DLG5: variants seen among roughly 807,000 people sequenced by gnomAD.
The protein encoded by DLG5 is disks large homolog 5.
A neutral mutation model predicts 189.8 loss-of-function variants in DLG5; 48 were observed. The observed-to-expected ratio is 0.25, with a 90% CI of 0.20 to 0.32. The LOEUF (loss-of-function observed/expected upper bound fraction) is 0.32, where lower values mean the gene tolerates loss of function less well. DLG5 is among the 10% of genes least tolerant of loss of function. DLG5 has a pLI of 1.00. For synonymous variants in DLG5, 1,016 were observed against 1,054.1 expected, an observed-to-expected ratio of 0.96 and a Z score of 0.70; for missense variants, 2,160 against 2,544.7, an observed-to-expected ratio of 0.85 and a Z score of 3.25.
intron 21 of DLG5, 56 bp downstream of exon 21, chr10:77,812,159 G>A (rs1841808757): frequency 1.3e-6 from 2 of 1,597,598 alleles, no homozygotes; most frequent in East Asian, 4.5e-5. Context: ...GAGGAGGAGA[G>A]GGGGAAGAAG....
intron 9 of DLG5, among the ~76,000 whole-genome samples, chr10:77,833,158 C>A (rs1279755424): frequency 6.6e-6 from 1 of 152,066 alleles, no homozygotes; most frequent in African/African-American, 2.4e-5. Flanking sequence ...TTGGGCTCTG[C>A]CAATTTCTAT....
intron 1 of DLG5, among the ~76,000 whole-genome samples, chr10:77,879,907 G>A (rs1038696006): frequency 1.3e-5 from 2 of 150,982 alleles, no homozygotes; most frequent in Admixed American, 1.3e-4. Flanking sequence ...CAGGCAGATG[G>A]ATGTACAGGC....
intron 7 of DLG5, among the ~76,000 whole-genome samples, chr10:77,836,640 G>A (rs1843151234): frequency 1.3e-5 from 2 of 152,188 alleles, no homozygotes; most frequent in Admixed American, 1.3e-4. Context: ...GAAAACAAGA[G>A]AAGAGAATGA....
intron 13 of DLG5, among the ~76,000 whole-genome samples, chr10:77,828,521 G>T (rs2154575871): frequency 1.4e-5 from 2 of 147,798 alleles, no homozygotes; most frequent in Middle Eastern, 7.4e-3. Context: ...GTTAATAGAG[G>T]TTATCTACAG....
rs2559662 is a variant in DLG5 at position 77,916,294 on chromosome 10, A to G, written c.304+9923T>C. On this transcript the variant is annotated intron_variant, in intron 1 of 31. Coordinates refer to ENST00000372391, the MANE Select transcript of DLG5 (RefSeq NM_004747.4). ...AACCATATCTGAAGGAAGAAAAAAAATTTTTTTTTTTGTAAGACAGAGTTT... is the reference window on the plus strand; with the variant it reads ...AACCATATCTGAAGGAAGAAAAAAAGTTTTTTTTTTTGTAAGACAGAGTTT... Among the ~76,000 whole-genome samples, 3 of 149,478 alleles carry G rather than the reference A, an allele frequency of 2.0e-5. No individual in the cohort carries two copies. The East Asian group carries it at 6.5e-4, about 33-fold the overall frequency.
Position 77,792,193 on chromosome 10 carries a change from C to T in DLG5, c.*247G>A, listed in dbSNP as rs1011441825. On this transcript the variant is annotated 3_prime_UTR_variant, in exon 32 of 32. Transcript: ENST00000372391. The stretch of plus-strand genomic sequence containing the variant: ...GCTAAAGAAAGGTGGGTGCTGAACC[C>T]GTCTTTAGTGTTATCTGTTTTGTGT... 72 of 542,406 alleles carry T rather than the reference C, an allele frequency of 1.3e-4. No individual in the cohort carries two copies. In the East Asian group the frequency reaches 2.1e-3, roughly 16 times the overall value. 33.6% of individuals were successfully genotyped at this position (542,406 alleles called of 1,614,324 possible).
chr10:77,860,105 C>T (rs972173259), intron 2 of DLG5, among the ~76,000 whole-genome samples: 15 of 152,240 alleles, frequency 9.9e-5, no homozygotes, highest in Non-Finnish European at 2.2e-4. Flanking sequence ...AACAACCTCA[C>T]AAGTGTGTAC....
In DLG5 at chr10:77,856,745, G is replaced by T; in HGVS notation, c.521C>A (p.Thr174Lys). 1 of 1,613,268 alleles carries T rather than the reference G, an allele frequency of 6.2e-7. No homozygotes were observed. Among genetic ancestry groups the T allele is most frequent in the Non-Finnish European group, 8.5e-7 (1 of 1,179,852 alleles). Residue 174 changes from threonine (T) to lysine (K), a missense_variant, in exon 3 of 32, where the codon ACG (threonine) becomes AAG (lysine). By Grantham distance (78) the Thr-to-Lys change is moderately conservative. Around this residue, in one of 5 missense-constraint regions of DLG5, gnomAD observed 664 missense variants for 838.5 expected, o/e 0.79. Coordinates refer to ENST00000372391, the MANE Select transcript of DLG5 (RefSeq NM_004747.4). Reference protein sequence around the residue: ...RKRLAFATHGTAFDKRPYHRL... With the variant: ...RKRLAFATHGKAFDKRPYHRL... ...CAATTACTACCTCTTGTCAAAGGCC[G>T]TGCCATGCGTAGCAAAGGCCAGGCG...
chr10:77,862,759 G>C (rs1398584207), intron 2 of DLG5, among the ~76,000 whole-genome samples: 1 of 152,196 alleles, frequency 6.6e-6, no homozygotes, highest in Non-Finnish European at 1.5e-5. Flanking sequence ...TACAACTGCG[G>C]ACACACACAG....
the DLG5 span, among the ~76,000 whole-genome samples, chr10:77,935,557 GAA>G: frequency 6.6e-6 from 1 of 151,208 alleles, no homozygotes; most frequent in Non-Finnish European, 1.5e-5. Context: ...GCTCCCTGGA[GAA>G]ACAGATCCTG....
chr10:77,802,243 G>A (rs572434239), intron 27 of DLG5, among the ~76,000 whole-genome samples: 1 of 152,222 alleles, frequency 6.6e-6, no homozygotes, highest in Admixed American at 6.5e-5. Flanking sequence ...TGGGTACAGC[G>A]GCCACAGGAA....
Position 77,805,783 on chromosome 10 carries a change from C to G in DLG5, c.5046G>C (p.Ala1682=). 6.2e-7 allele frequency: 1 copy of G among 1,614,146 alleles called. No homozygotes were observed. The highest frequency in any genetic ancestry group is 8.5e-7 in the Non-Finnish European group (1 of 1,180,032). The change falls in exon 27 of 32, where the codon GCG becomes GCC. Residue 1682 remains alanine (A), a synonymous_variant. Transcript: ENST00000372391. ...DDNSATKTLS[A]AARRSFFRRK... ...TCCGAAAAAAGGACCGGCGTGCAGC[C>G]GCTGACAGCGTCTTTGTGGCGCTAT...
At chr10:77,857,287 C>T (rs1844281849) in intron 2 of DLG5, among the ~76,000 whole-genome samples, 1 of 152,234 alleles carries the variant, frequency 6.6e-6, no homozygotes, top group Non-Finnish European at 1.5e-5. Context: ...ACAGACCAAC[C>T]TGTGCCCTGA....
intron 1 of DLG5, among the ~76,000 whole-genome samples, chr10:77,888,683 G>A (rs948603212): frequency 2.0e-5 from 3 of 152,126 alleles, no homozygotes; most frequent in South Asian, 4.1e-4. Flanking sequence ...CACCAACACC[G>A]TGTGCCAAGC....
chr10:77,811,879 C>T, intron 22 of DLG5, 45 bp downstream of exon 22: 2 of 1,565,886 alleles, frequency 1.3e-6, no homozygotes, highest in Non-Finnish European at 1.7e-6. Flanking sequence ...GCTGCACCCA[C>T]CTCTCCACCC....
intron 1 of DLG5, among the ~76,000 whole-genome samples, chr10:77,908,964 C>T (rs1445037809): frequency 2.6e-5 from 4 of 152,090 alleles, no homozygotes; most frequent in Admixed American, 6.5e-5. Context: ...CACAATAGAG[C>T]AATTAAAAAG....
chr10:77,849,188 C>G (rs1421435778), intron 5 of DLG5, among the ~76,000 whole-genome samples: 1 of 152,200 alleles, frequency 6.6e-6, no homozygotes, highest in Non-Finnish European at 1.5e-5. Flanking sequence ...TGCAGAGGGC[C>G]GGGAAGCCCC....
intron 24 of DLG5, among the ~76,000 whole-genome samples, chr10:77,808,517 C>T (rs570666205): frequency 6.6e-6 from 1 of 152,298 alleles, no homozygotes; most frequent in East Asian, 1.9e-4. Context: ...ACTAATTCTC[C>T]CACCTTGGCC....
Position 77,853,416 on chromosome 10 carries a change from T to C in DLG5, c.802A>G (p.Met268Val). 1 of 1,608,548 alleles carries C rather than the reference T, an allele frequency of 6.2e-7. No homozygotes were observed. Among genetic ancestry groups the C allele is most frequent in the Non-Finnish European group, 8.5e-7 (1 of 1,177,408 alleles). The change falls in exon 5 of 32, where the codon ATG (methionine) becomes GTG (valine). Residue 268 changes from methionine (M) to valine (V), a missense_variant. Physicochemically the swap from Met to Val is conservative, Grantham distance 21. Around this residue, in one of 5 missense-constraint regions of DLG5, gnomAD observed 664 missense variants for 838.5 expected, o/e 0.79. Transcript: ENST00000372391. ...RNLLQQSWED[M>V]KRLHEEDQKE... ...TGGTCCTCCTCGTGGAGCCGCTTCA[T>C]GTCCTCCCATGACTGCTGCAGCAGG...
Sources: gnomAD v4.1 joint callset for allele counts (sites outside exome capture counted in the v4.1 genomes callset) on GRCh38, gnomAD v4.1.1 for gene constraint, gnomAD v4.1.1 regional missense constraint, MANE v1.5 for transcripts, NCBI Gene and HGNC (gene_info 2026-07-23, HGNC 2026-07-21) for gene names.